PPM1L: variants seen among roughly 807,000 people sequenced by gnomAD.
The protein encoded by PPM1L is protein phosphatase 1L.
A neutral mutation model predicts 31.4 loss-of-function variants in PPM1L; 13 were observed. The ratio of observed to expected loss-of-function variants is 0.41; its 90% CI spans 0.27 to 0.66. The LOEUF (loss-of-function observed/expected upper bound fraction) is 0.66, where lower values mean the gene tolerates loss of function less well. Ranked by LOEUF, PPM1L falls within the 30% of genes least tolerant of loss-of-function variation. The pLI, the probability that PPM1L is intolerant of heterozygous loss-of-function variation, is 0.29. For synonymous variants in PPM1L, 184 were observed against 175.4 expected, an observed-to-expected ratio of 1.05 and a Z score of -0.39; for missense variants, 326 against 453.7, an observed-to-expected ratio of 0.72 and a Z score of 2.56.
At chr3:160,968,932 A>G (rs564650827) in intron 2 of PPM1L, among the ~76,000 whole-genome samples, 1 of 152,350 alleles carries the variant, frequency 6.6e-6, no homozygotes, top group Non-Finnish European at 1.5e-5. Flanking sequence ...GTTTGGCTAG[A>G]AACCTATACA....
chr3:160,853,946 C>T (rs563508473), intron 1 of PPM1L, among the ~76,000 whole-genome samples: 1 of 152,262 alleles, frequency 6.6e-6, no homozygotes, highest in South Asian at 2.1e-4. Context: ...CTATACTGGA[C>T]TTTCCCTACA....
chr3:160,970,841 G>A (rs1716314108), intron 2 of PPM1L, among the ~76,000 whole-genome samples: 1 of 141,570 alleles, frequency 7.1e-6, no homozygotes, highest in African/African-American at 2.8e-5. Flanking sequence ...CCAGGCTGGA[G>A]TGCAGTGGCG....
intron 2 of PPM1L, among the ~76,000 whole-genome samples, chr3:161,019,434 G>A (rs1001140173): frequency 6.6e-6 from 1 of 152,128 alleles, no homozygotes; most frequent in African/African-American, 2.4e-5. Flanking sequence ...CAGATCTCAA[G>A]TGATCCTCCT....
At chr3:160,760,548 G>C (rs1025762945) in intron 1 of PPM1L, among the ~76,000 whole-genome samples, 1 of 152,164 alleles carries the variant, frequency 6.6e-6, no homozygotes, top group South Asian at 2.1e-4. Context: ...AGGTATGGCA[G>C]TGATTGTCTT....
At chr3:160,893,722 T>C (rs1713233879) in intron 1 of PPM1L, among the ~76,000 whole-genome samples, 1 of 152,208 alleles carries the variant, frequency 6.6e-6, no homozygotes, top group African/African-American at 2.4e-5. Context: ...AGCTGAGTTA[T>C]AAAATTTGCT....
chr3:160,792,369 G>A (rs1486982649), intron 1 of PPM1L, among the ~76,000 whole-genome samples: 1 of 152,030 alleles, frequency 6.6e-6, no homozygotes, highest in Non-Finnish European at 1.5e-5. Context: ...ATGGTGATTT[G>A]GTAGCTTAGA....
chr3:160,934,950 C>CA lies in PPM1L; in HGVS notation c.400-26776dup, dbSNP rs960317855. 5.4e-4 allele frequency among the ~76,000 whole-genome samples: 79 copies of CA among 145,140 alleles called. 1 individual carries two copies. Among genetic ancestry groups the CA allele is most frequent in the Middle Eastern group, 3.6e-3 (1 of 280 alleles). Reference sequence around the variant, plus strand: ...GCAACAACAGAGTGACACTCTGTCTCAAAAAAAAAAGATCACATCATTAAA... The same window carrying CA: ...GCAACAACAGAGTGACACTCTGTCTCAAAAAAAAAAAGATCACATCATTAAA... On this transcript the variant is annotated intron_variant, in intron 1 of 3. Transcript: ENST00000498165.
chr3:160,756,789 G>GTGTA lies in PPM1L; in HGVS notation c.399+83_399+84insGTAT. 1 of 1,285,834 alleles carries GTGTA rather than the reference G, an allele frequency of 7.8e-7. No individual in the cohort carries two copies. The highest frequency in any genetic ancestry group is 2.5e-5 in the East Asian group (1 of 39,990). 79.7% of individuals were successfully genotyped at this position (1,285,834 alleles called of 1,614,324 possible). On this transcript the variant is annotated intron_variant, in intron 1 of 3. Coordinates refer to ENST00000498165, the MANE Select transcript of PPM1L (RefSeq NM_139245.4). This position sits in a 1 kb window ranked among gnomAD's most constrained non-coding sequence, Gnocchi z 6.2. ...TGTGTGTGTGTGTGTGTGTGTGTGT[G>GTGTA]TATAAACAACAGGACAGCGTGTGCG... is the stretch of plus-strand genomic sequence containing the variant.
At chr3:161,023,433 TTCTA>T (rs975237789) in intron 2 of PPM1L, among the ~76,000 whole-genome samples, 2 of 152,164 alleles carry the variant, frequency 1.3e-5, no homozygotes, top group Admixed American at 1.3e-4. Flanking sequence ...AAATTCTTTT[TTCTA>T]TCTATTTCTC....
chr3:160,894,102 G>A (rs973806064), intron 1 of PPM1L, among the ~76,000 whole-genome samples: 1 of 152,172 alleles, frequency 6.6e-6, no homozygotes, highest in Non-Finnish European at 1.5e-5. Flanking sequence ...TTCAATGTAT[G>A]ATGGGTTTAT....
chr3:160,756,374 A>C lies in PPM1L; in HGVS notation c.66A>C (p.Arg22Ser). 1 of 1,614,080 alleles carries C rather than the reference A, an allele frequency of 6.2e-7. No homozygotes were observed. Among genetic ancestry groups the C allele is most frequent in the Non-Finnish European group, 8.5e-7 (1 of 1,180,012 alleles). Residue 22 changes from arginine (R) to serine (S), a missense_variant, in exon 1 of 4, where the codon AGA becomes AGC. Around this residue, in one of 3 missense-constraint regions of PPM1L, gnomAD observed 42 missense variants for 76.1 expected, o/e 0.55. Transcript: ENST00000498165. This position sits in a 1 kb window ranked among gnomAD's most constrained non-coding sequence, Gnocchi z 6.2. ...LGRIMRYFLL[R>S]PETLFLLCIS... ...GCATCATGCGCTACTTCTTGCTGAGACCCGAGACGCTTTTCCTGCTGTGCA... is the reference window on the plus strand; with the variant it reads ...GCATCATGCGCTACTTCTTGCTGAGCCCCGAGACGCTTTTCCTGCTGTGCA...
chr3:160,882,923 C>T (rs182484800), intron 1 of PPM1L, among the ~76,000 whole-genome samples: 141 of 152,186 alleles, frequency 9.3e-4, no homozygotes, highest in African/African-American at 3.2e-3. Flanking sequence ...CAAATTTATC[C>T]CATGTCCTCA....
At chr3:160,789,551 A>G (rs1245314358) in intron 1 of PPM1L, among the ~76,000 whole-genome samples, 1 of 152,038 alleles carries the variant, frequency 6.6e-6, no homozygotes, top group African/African-American at 2.4e-5. Flanking sequence ...TTCATCTTCA[A>G]TCATGACATA....
chr3:160,829,694 G>A (rs1489735897), intron 1 of PPM1L, among the ~76,000 whole-genome samples: 1 of 152,144 alleles, frequency 6.6e-6, no homozygotes, highest in Non-Finnish European at 1.5e-5. Context: ...GATTTCATTT[G>A]TAGCCTGTCA....
intron 1 of PPM1L, among the ~76,000 whole-genome samples, chr3:160,802,963 T>C (rs925755594): frequency 6.6e-6 from 1 of 152,184 alleles, no homozygotes; most frequent in African/African-American, 2.4e-5. Context: ...AAGATAGAGA[T>C]TGGCGAAATT....
chr3:160,860,139 A>C (rs1711839197), intron 1 of PPM1L, among the ~76,000 whole-genome samples: 1 of 152,198 alleles, frequency 6.6e-6, no homozygotes, highest in Non-Finnish European at 1.5e-5. Context: ...ATAAGATTAC[A>C]CATGTGGATA....
At chr3:160,974,912 A>G (rs1161166821) in intron 2 of PPM1L, among the ~76,000 whole-genome samples, 4 of 151,354 alleles carry the variant, frequency 2.6e-5, no homozygotes, top group Middle Eastern at 3.4e-3. Flanking sequence ...TTTTGTTGCC[A>G]TTGCTTTTGG....
In PPM1L at chr3:161,074,786, T is replaced by A. The variant is rs1344143989; in HGVS notation, c.*5629T>A. The stretch of plus-strand genomic sequence containing the variant: ...CTTTAATAAATCCAAGTTAAGGACT[T>A]TGAGGAGAGCATGTAGCAAGTATTC... On this transcript the variant is annotated 3_prime_UTR_variant, in exon 4 of 4. Coordinates refer to ENST00000498165, the MANE Select transcript of PPM1L (RefSeq NM_139245.4). 2 of 152,092 alleles carry A rather than the reference T, an allele frequency of 1.3e-5. No homozygotes were observed. The highest frequency in any genetic ancestry group is 2.9e-5 in the Non-Finnish European group (2 of 68,024). The allele number at this position is 152,092 out of a possible 1,614,324, so 9.4% of individuals were successfully genotyped here. A position where few individuals can be genotyped will look rare whatever the true frequency, so the allele number is the denominator to read the frequency against.
intron 1 of PPM1L, among the ~76,000 whole-genome samples, chr3:160,780,116 C>T (rs1232254274): frequency 1.3e-5 from 2 of 152,058 alleles, no homozygotes; most frequent in African/African-American, 4.8e-5. Flanking sequence ...CCTCAAACTC[C>T]TGGGCAAGTG....
Sources: gnomAD v4.1 joint callset for allele counts (sites outside exome capture counted in the v4.1 genomes callset) on GRCh38, gnomAD v4.1.1 for gene constraint, gnomAD v4.1.1 regional missense constraint, Gnocchi (gnomAD v3.1) non-coding constraint, MANE v1.5 for transcripts, NCBI Gene and HGNC (gene_info 2026-07-23, HGNC 2026-07-21) for gene names.